The following FOXJ3 variants were observed in gnomAD, a reference collection of about 807,000 sequenced individuals.
The protein encoded by FOXJ3 is forkhead box J3, also known as forkhead box protein J3.
Under a neutral mutation model 76.1 loss-of-function variants are expected in FOXJ3, and 22 were observed. That is an observed-to-expected ratio of 0.29 (90% CI 0.21 to 0.41). The LOEUF (loss-of-function observed/expected upper bound fraction) is 0.41, where lower values mean the gene tolerates loss of function less well. FOXJ3 is among the 10% of genes least tolerant of loss of function. The pLI is 1.00. For missense variants in FOXJ3, 613 were observed against 762.1 expected (o/e 0.80, Z 2.30); for synonymous variants, 269 against 261.2 (o/e 1.03, Z -0.29).
intron 5 of FOXJ3, among the ~76,000 whole-genome samples, chr1:42,218,467 T>C (rs1647115427): frequency 6.6e-6 from 1 of 152,212 alleles, no homozygotes; most frequent in African/African-American, 2.4e-5. Flanking sequence ...TGGATAATTG[T>C]AGATAATGTG....
intron 12 of FOXJ3, among the ~76,000 whole-genome samples, chr1:42,180,291 T>C (rs377144679): frequency 6.6e-6 from 1 of 152,148 alleles, no homozygotes; most frequent in Non-Finnish European, 1.5e-5. Flanking sequence ...CACCAAGTAA[T>C]GTCAAGTGAA....
At chr1:42,197,408 TTAGAG>T (rs1341306800) in intron 7 of FOXJ3, among the ~76,000 whole-genome samples, 3 of 152,116 alleles carry the variant, frequency 2.0e-5, no homozygotes, top group Admixed American at 6.5e-5. Flanking sequence ...ACTCATTCTG[TTAGAG>T]TATTTTTATG....
In FOXJ3 at chr1:42,265,137, C is replaced by A; in HGVS notation, c.422G>T (p.Arg141Leu). ...TACCTTTCCAGGGTCATCCTTAGAT[C>A]GAGGCACTTTAAGGAAACATTTGTT... ...SLNKCFLKVP[R>L]SKDDPGKGSY... Residue 141 changes from arginine (R) to leucine (L), a missense_variant, in exon 4 of 13, where the codon CGA (arginine) becomes CTA (leucine). This residue lies in a region of FOXJ3 where 526 missense variants were observed against 601.4 expected (regional missense o/e 0.87). Coordinates refer to ENST00000361346, the MANE Select transcript of FOXJ3 (RefSeq NM_014947.5). The A allele has an allele frequency of 1.3e-6, 2 of 1,596,002 alleles. No individual in the cohort carries two copies. The highest frequency in any genetic ancestry group is 1.7e-6 in the Non-Finnish European group (2 of 1,165,196).
Position 42,195,019 on chromosome 1 carries a change from G to C in FOXJ3, c.805C>G (p.Gln269Glu), listed in dbSNP as rs779065845. 3 of 1,611,884 alleles carry C rather than the reference G, an allele frequency of 1.9e-6. No homozygotes were observed. Among genetic ancestry groups the C allele is most frequent in the Admixed American group, 3.4e-5 (2 of 59,586 alleles). The part of the protein sequence containing the change: ...ESVSQSLTPQ[Q>E]QPQYNLPERD... ...TCTGGAAGGTTGTACTGTGGTTGCT[G>C]CTGAGGAGTTAATGATTGAGAGACT... The change falls in exon 8 of 13, where the codon CAG (glutamine) becomes GAG (glutamate). Residue 269 changes from glutamine (Q) to glutamate (E), a missense_variant. By Grantham distance (29) the Gln-to-Glu change is conservative. This residue lies in a region of FOXJ3 where 526 missense variants were observed against 601.4 expected (regional missense o/e 0.87). Transcript: ENST00000361346.
At chr1:42,328,491 G>A (rs1181531210) in intron 1 of FOXJ3, among the ~76,000 whole-genome samples, 2 of 152,130 alleles carry the variant, frequency 1.3e-5, no homozygotes, top group Non-Finnish European at 1.5e-5. Context: ...TGGTCAGACA[G>A]TGTGGTATTA....
intron 4 of FOXJ3, among the ~76,000 whole-genome samples, chr1:42,240,537 C>G (rs1228747894): frequency 6.6e-6 from 1 of 152,186 alleles, no homozygotes; most frequent in African/African-American, 2.4e-5. Flanking sequence ...ACTGATCCGA[C>G]AGTCTAGAAG....
chr1:42,194,339 C>T (rs959675181), intron 8 of FOXJ3, among the ~76,000 whole-genome samples: 1 of 152,224 alleles, frequency 6.6e-6, no homozygotes, highest in Non-Finnish European at 1.5e-5. Context: ...CAAGATGCAA[C>T]AGTGTATCTC....
chr1:42,234,992 C>T (rs954793799), intron 4 of FOXJ3, among the ~76,000 whole-genome samples: 1 of 152,206 alleles, frequency 6.6e-6, no homozygotes, highest in African/African-American at 2.4e-5. Flanking sequence ...CTATGCCCTG[C>T]CCCCAGAGGT....
intron 8 of FOXJ3, among the ~76,000 whole-genome samples, chr1:42,192,918 TAA>T (rs1646578944): frequency 6.6e-6 from 1 of 152,150 alleles, no homozygotes. Context: ...GAAGAGTTAA[TAA>T]AAGTTCTTGC....
At chr1:42,209,629 G>A (rs1646927578) in intron 5 of FOXJ3, among the ~76,000 whole-genome samples, 1 of 152,170 alleles carries the variant, frequency 6.6e-6, no homozygotes, top group Non-Finnish European at 1.5e-5. Flanking sequence ...GGCCACGGGG[G>A]AATGCCTTAA....
intron 3 of FOXJ3, among the ~76,000 whole-genome samples, chr1:42,276,390 G>C (rs1652264224): frequency 6.6e-6 from 1 of 152,046 alleles, no homozygotes; most frequent in East Asian, 1.9e-4. Context: ...GGAAGAGAGG[G>C]GAGAGAGTAA....
At chr1:42,204,999 AAAG>A (rs1646834001) in intron 6 of FOXJ3, among the ~76,000 whole-genome samples, 1 of 152,118 alleles carries the variant, frequency 6.6e-6, no homozygotes, top group Admixed American at 6.5e-5. Context: ...GGAGAGAAAA[AAAG>A]AGGGTGAAAG....
chr1:42,312,082 C>T (rs555283825), intron 1 of FOXJ3, among the ~76,000 whole-genome samples: 1 of 152,282 alleles, frequency 6.6e-6, no homozygotes, highest in South Asian at 2.1e-4. Flanking sequence ...AGAGCAAGTT[C>T]AGTCTGAAGG....
At chr1:42,190,997 A>G (rs1441052803) in intron 9 of FOXJ3, among the ~76,000 whole-genome samples, 2 of 151,614 alleles carry the variant, frequency 1.3e-5, no homozygotes, top group South Asian at 2.1e-4. Context: ...CACTTTTCCT[A>G]TATATAAAAT....
chr1:42,322,355 T>A (rs772023185), intron 1 of FOXJ3, among the ~76,000 whole-genome samples: 1 of 152,018 alleles, frequency 6.6e-6, no homozygotes, highest in Non-Finnish European at 1.5e-5. Context: ...TTAGATACAA[T>A]GATGGCATGG....
intron 5 of FOXJ3, among the ~76,000 whole-genome samples, chr1:42,220,349 A>G (rs1178356473): frequency 6.6e-6 from 1 of 152,192 alleles, no homozygotes. Context: ...GTATGTTTTT[A>G]AAGGATTTCT....
At position 42,272,842 on chromosome 1, in the gene FOXJ3, A is replaced by G. The variant is rs373889904; in HGVS notation, c.369+5506T>C. 9.7e-4 allele frequency among the ~76,000 whole-genome samples: 148 copies of G among 152,332 alleles called. 1 individual carries two copies. The Middle Eastern group carries it at 0.014, about 14-fold the overall frequency. The stretch of plus-strand genomic sequence containing the variant: ...AAGCTCTTCAGTTTGGCATTCATAT[A>G]TTCATAGGATCTCCATATTCTGACT... On this transcript the variant is annotated intron_variant, in intron 3 of 12. Coordinates refer to ENST00000361346, the MANE Select transcript of FOXJ3 (RefSeq NM_014947.5).
In FOXJ3 at chr1:42,181,840, C is replaced by A. The variant is rs563307773; in HGVS notation, c.1753+77G>T. 2.7e-4 allele frequency: 249 copies of A among 916,468 alleles called. 1 individual carries two copies. The African/African-American group carries it at 3.4e-3, about 12-fold the overall frequency. 56.8% of individuals were successfully genotyped at this position (916,468 alleles called of 1,614,324 possible). ...ACACACACACACACTCTCTCTCTCA[C>A]CTGCCATCGTTGTTCCTGGAGTGCT... On this transcript the variant is annotated intron_variant, in intron 12 of 12. Transcript: ENST00000361346.
intron 1 of FOXJ3, among the ~76,000 whole-genome samples, chr1:42,320,232 G>T (rs1442671665): frequency 3.9e-5 from 6 of 152,096 alleles, no homozygotes; most frequent in Non-Finnish European, 8.8e-5. Context: ...GGGGCTTCCT[G>T]GCCAAACATC....
Sources: gnomAD v4.1 joint callset for allele counts (sites outside exome capture counted in the v4.1 genomes callset) on GRCh38, gnomAD v4.1.1 for gene constraint, gnomAD v4.1.1 regional missense constraint, MANE v1.5 for transcripts, NCBI Gene and HGNC (gene_info 2026-07-23, HGNC 2026-07-21) for gene names.